Variants in RAD51B observed in about 807,000 individuals in gnomAD.
RAD51B encodes the protein DNA repair protein RAD51 homolog 2.
Under a neutral mutation model 42.2 loss-of-function variants are expected in RAD51B, and 38 were observed. The observed-to-expected ratio is 0.90, with a 90% CI of 0.70 to 1.18. The LOEUF is 1.18. Ranked by LOEUF, RAD51B falls within the 50% of genes most tolerant of loss-of-function variation. The pLI is 0.00. For synonymous variants in RAD51B, 154 were observed against 145.2 expected, an observed-to-expected ratio of 1.06 and a Z score of -0.43; for missense variants, 373 against 400.7, an observed-to-expected ratio of 0.93 and a Z score of 0.59.
intron 10 of RAD51B, among the ~76,000 whole-genome samples, chr14:68,527,782 A>G (rs1170455983): frequency 1.3e-5 from 2 of 152,258 alleles, no homozygotes. Flanking sequence ...AAGGCCACCT[A>G]ATTTGTAGAA....
intron 7 of RAD51B, among the ~76,000 whole-genome samples, chr14:68,064,518 A>G (rs749937665): frequency 5.9e-5 from 9 of 152,080 alleles, no homozygotes; most frequent in Non-Finnish European, 1.0e-4. Context: ...GTTCTCAGCT[A>G]TTATTTTATT....
chr14:68,078,019 T>G (rs923619356), intron 7 of RAD51B, among the ~76,000 whole-genome samples: 2 of 152,164 alleles, frequency 1.3e-5, no homozygotes, highest in Non-Finnish European at 2.9e-5. Flanking sequence ...GGTAAACATT[T>G]TAAGTGTCTG....
chr14:68,250,393 T>G (rs2080598889), intron 7 of RAD51B, among the ~76,000 whole-genome samples: 1 of 152,250 alleles, frequency 6.6e-6, no homozygotes, highest in South Asian at 2.1e-4. Flanking sequence ...GGCTTGTTTC[T>G]ATATTTGTTT....
intron 7 of RAD51B, among the ~76,000 whole-genome samples, chr14:68,054,028 C>T (rs576620235): frequency 6.6e-6 from 1 of 152,328 alleles, no homozygotes; most frequent in Non-Finnish European, 1.5e-5. Flanking sequence ...GAATTGAAGA[C>T]ATGATACTCC....
intron 4 of RAD51B, among the ~76,000 whole-genome samples, chr14:67,852,496 A>G (rs2041859211): frequency 6.6e-6 from 1 of 152,166 alleles, no homozygotes; most frequent in South Asian, 2.1e-4. Context: ...GAACCTTTCC[A>G]TAGGACTGCT....
chr14:68,427,035 G>A (rs994783854), intron 9 of RAD51B, among the ~76,000 whole-genome samples: 2 of 152,248 alleles, frequency 1.3e-5, no homozygotes, highest in Admixed American at 6.5e-5. Context: ...AGAGGCACGA[G>A]TAGTAAGCCT....
At chr14:68,223,108 C>T (rs1200793888) in intron 7 of RAD51B, among the ~76,000 whole-genome samples, 3 of 152,216 alleles carry the variant, frequency 2.0e-5, no homozygotes, top group African/African-American at 7.2e-5. Context: ...TACACTTCCC[C>T]TACCTTGGCT....
intron 7 of RAD51B, among the ~76,000 whole-genome samples, chr14:68,124,231 GT>G (rs1404652301): frequency 6.6e-6 from 1 of 152,188 alleles, no homozygotes; most frequent in African/African-American, 2.4e-5. Flanking sequence ...AACAGTGTGG[GT>G]TCAGCCTATT....
chr14:68,384,671 T>G (rs965608294), intron 8 of RAD51B, among the ~76,000 whole-genome samples: 1 of 152,238 alleles, frequency 6.6e-6, no homozygotes, highest in Non-Finnish European at 1.5e-5. Context: ...GAATTAAGGT[T>G]CCTTTTTCTT....
intron 7 of RAD51B, among the ~76,000 whole-genome samples, chr14:68,207,326 C>A (rs556207721): frequency 1.3e-4 from 20 of 152,150 alleles, no homozygotes; most frequent in Non-Finnish European, 2.5e-4. Flanking sequence ...AATTTTAATT[C>A]ATTCCCACAG....
intron 10 of RAD51B, among the ~76,000 whole-genome samples, chr14:68,644,601 T>A (rs1892528507): frequency 6.6e-6 from 1 of 152,238 alleles, no homozygotes; most frequent in Non-Finnish European, 1.5e-5. Context: ...CTCTCCTTCC[T>A]GAATCTCTGC....
exon 11 of RAD51B, chr14:68,595,625 A>G: frequency 9.4e-7 from 1 of 1,059,648 alleles, no homozygotes. Flanking sequence ...CCCAATGTCT[A>G]CATTGTGTTA....
chr14:67,893,723 G>A (rs941713426), intron 7 of RAD51B, among the ~76,000 whole-genome samples: 2 of 151,976 alleles, frequency 1.3e-5, no homozygotes, highest in African/African-American at 2.4e-5. Flanking sequence ...AGAGTAGGGC[G>A]GGTTTTATGA....
chr14:67,959,392 G>A (rs1015697004), intron 7 of RAD51B, among the ~76,000 whole-genome samples: 5 of 151,854 alleles, frequency 3.3e-5, no homozygotes, highest in East Asian at 1.9e-4. Context: ...GACTACAGGC[G>A]CCCGCCACCA....
chr14:68,138,590 T>C (rs1189147087), intron 7 of RAD51B, among the ~76,000 whole-genome samples: 3 of 152,188 alleles, frequency 2.0e-5, no homozygotes, highest in Non-Finnish European at 4.4e-5. Flanking sequence ...TGCTCCCTAA[T>C]TTATGTATTT....
intron 9 of RAD51B, among the ~76,000 whole-genome samples, chr14:68,412,173 G>A (rs1190354837): frequency 6.6e-6 from 1 of 152,176 alleles, no homozygotes. Context: ...CAAAGAAAAG[G>A]ACACCACTGT....
intron 7 of RAD51B, among the ~76,000 whole-genome samples, chr14:68,190,740 T>C (rs1192162845): frequency 1.3e-5 from 2 of 152,206 alleles, no homozygotes; most frequent in Admixed American, 1.3e-4. Context: ...AGTTAGTTTT[T>C]ACTTTTATGG....
intron 10 of RAD51B, among the ~76,000 whole-genome samples, chr14:68,522,341 G>A (rs1200184245): frequency 2.0e-5 from 3 of 152,142 alleles, no homozygotes; most frequent in Admixed American, 6.5e-5. Context: ...AGAGAAAACC[G>A]AAAAATGCTA....
intron 11 of RAD51B, among the ~76,000 whole-genome samples, chr14:68,662,690 G>C (rs1755204159): frequency 2.0e-5 from 3 of 152,332 alleles, no homozygotes; most frequent in South Asian, 2.1e-4. Context: ...CTCCAAAAAA[G>C]TACAGTGAGT....
Sources: allele counts gnomAD v4.1 joint callset (sites outside exome capture counted in the v4.1 genomes callset), GRCh38; gene constraint gnomAD v4.1.1; transcripts MANE v1.5; gene names NCBI Gene and HGNC (gene_info 2026-07-23, HGNC 2026-07-21).